The following DAB2 variants were observed in gnomAD, a reference collection of about 807,000 sequenced individuals.
DAB2 encodes the protein disabled homolog 2.
DAB2 carries 28 observed loss-of-function variants against 71.6 expected under a neutral mutation model. That is an observed-to-expected ratio of 0.39 (90% CI 0.29 to 0.54). The LOEUF is 0.54. Ranked by LOEUF, DAB2 falls within the 20% of genes least tolerant of loss-of-function variation. DAB2 has a pLI of 0.68. For synonymous variants in DAB2, 345 were observed against 339.7 expected, an observed-to-expected ratio of 1.02 and a Z score of -0.17; for missense variants, 867 against 928.8, an observed-to-expected ratio of 0.93 and a Z score of 0.86.
intron 1 of DAB2, among the ~76,000 whole-genome samples, chr5:39,420,861 C>A (rs985156561): frequency 4.6e-5 from 7 of 152,174 alleles, no homozygotes; most frequent in South Asian, 2.1e-4. Flanking sequence ...TAGAAGGATG[C>A]GGGAAGGGGA....
At chr5:39,407,494 C>A (rs1490718955) in intron 1 of DAB2, among the ~76,000 whole-genome samples, 1 of 152,222 alleles carries the variant, frequency 6.6e-6, no homozygotes, top group East Asian at 1.9e-4. Flanking sequence ...AGCCACCATG[C>A]CCGGCCCACC....
At chr5:39,398,289 G>A (rs1229056676) in intron 1 of DAB2, among the ~76,000 whole-genome samples, 3 of 152,154 alleles carry the variant, frequency 2.0e-5, no homozygotes, top group Non-Finnish European at 4.4e-5. Context: ...ACCAGGTATC[G>A]AATCTAGCGT....
intron 13 of DAB2, among the ~76,000 whole-genome samples, chr5:39,375,774 T>TATAGGC (rs1453318631): frequency 6.6e-6 from 1 of 152,108 alleles, no homozygotes; most frequent in Admixed American, 6.5e-5. Flanking sequence ...TAGTCCCACC[T>TATAGGC]ACTCAGGAGG....
intron 12 of DAB2, among the ~76,000 whole-genome samples, chr5:39,376,340 T>C (rs1385294203): frequency 6.6e-6 from 1 of 152,196 alleles, no homozygotes; most frequent in Non-Finnish European, 1.5e-5. Flanking sequence ...TTTAAGCTGA[T>C]GGGACATGGA....
At chr5:39,389,030 C>T in intron 7 of DAB2, 67 bp downstream of exon 7, 1 of 1,487,536 alleles carries the variant, frequency 6.7e-7, no homozygotes, top group Non-Finnish European at 9.4e-7. Flanking sequence ...AGTGGTTGGG[C>T]AGGTAGAAAA....
At chr5:39,407,954 C>G (rs1755644157) in intron 1 of DAB2, among the ~76,000 whole-genome samples, 1 of 152,170 alleles carries the variant, frequency 6.6e-6, no homozygotes, top group African/African-American at 2.4e-5. Context: ...TTCCGAAAAC[C>G]AGTGCAAGAA....
At chr5:39,410,329 A>G (rs183051405) in intron 1 of DAB2, among the ~76,000 whole-genome samples, 21 of 152,296 alleles carry the variant, frequency 1.4e-4, no homozygotes, top group Admixed American at 1.2e-3. Context: ...TTTCTTTCCC[A>G]AAGGCAACAT....
chr5:39,410,444 C>A (rs944159734), intron 1 of DAB2, among the ~76,000 whole-genome samples: 1 of 152,090 alleles, frequency 6.6e-6, no homozygotes, highest in African/African-American at 2.4e-5. Flanking sequence ...GATGTTGTTT[C>A]TTATAAACCT....
At position 39,383,199 on chromosome 5, in the gene DAB2, G is replaced by T; in HGVS notation, c.760C>A (p.Pro254Thr). The change falls in exon 10 of 15, where the codon CCA becomes ACA. Residue 254 changes from proline (P) to threonine (T), a missense_variant. Pro to Thr is a conservative substitution (Grantham distance 38, BLOSUM62 -1). Around this residue, in one of 2 missense-constraint regions of DAB2, gnomAD observed 740 missense variants for 734.3 expected, o/e 1.01. Transcript: ENST00000320816. ...GAGGTGATGCCGTTTGTTAAGAATG[G>T]ATTTTCTCTTAAAGAATTCTGATTG... ...DTNQNSLREN[P>T]FLTNGITSCS... 6.2e-7 allele frequency: 1 copy of T among 1,613,894 alleles called. No individual in the cohort carries two copies. Among genetic ancestry groups the T allele is most frequent in the East Asian group, 2.2e-5 (1 of 44,854 alleles).
rs1180561366 is a variant in DAB2 at position 39,377,047 on chromosome 5, T to A, written c.1740A>T (p.Ala580=). Reference sequence around the variant, plus strand: ...GGCTTGTTGTTGACCAAGCATTGGGTGCCACAGATGCAGAAGGGCCCCAGA... The same window carrying A: ...GGCTTGTTGTTGACCAAGCATTGGGAGCCACAGATGCAGAAGGGCCCCAGA... ...PVVWGPSASV[A]PNAWSTTSPL... is the part of the protein sequence containing the mutation. The change falls in exon 12 of 15, where the codon GCA becomes GCT. Residue 580 remains alanine (A), a synonymous_variant. Transcript: ENST00000320816. The A allele has an allele frequency of 6.2e-7, 1 of 1,613,880 alleles. No individual in the cohort carries two copies. Among genetic ancestry groups the A allele is most frequent in the African/African-American group, 1.3e-5 (1 of 74,840 alleles).
intron 2 of DAB2, among the ~76,000 whole-genome samples, chr5:39,393,994 C>T (rs1755296837): frequency 6.6e-6 from 1 of 152,182 alleles, no homozygotes; most frequent in Non-Finnish European, 1.5e-5. Flanking sequence ...GATGCCATGA[C>T]TGTTTCCCAA....
chr5:39,402,131 A>G (rs1755518333), intron 1 of DAB2, among the ~76,000 whole-genome samples: 1 of 152,136 alleles, frequency 6.6e-6, no homozygotes, highest in South Asian at 2.1e-4. Context: ...AGAGAACAGT[A>G]TGGGGGAAAC....
intron 1 of DAB2, among the ~76,000 whole-genome samples, chr5:39,419,694 T>G (rs1214516011): frequency 3.9e-5 from 6 of 152,092 alleles, no homozygotes; most frequent in Non-Finnish European, 7.4e-5. Context: ...TTAAAAGAAG[T>G]AAGTGGGACA....
intron 1 of DAB2, among the ~76,000 whole-genome samples, chr5:39,409,878 G>T (rs1266473101): frequency 6.6e-6 from 1 of 152,162 alleles, no homozygotes; most frequent in Admixed American, 6.6e-5. Context: ...GAATGATAGT[G>T]TTTCGGAGAA....
chr5:39,381,045 T>C (rs1754969267), intron 11 of DAB2, among the ~76,000 whole-genome samples: 1 of 152,158 alleles, frequency 6.6e-6, no homozygotes, highest in South Asian at 2.1e-4. Flanking sequence ...AAGAGGGCTA[T>C]GTGTTGAAAG....
At chr5:39,400,798 C>T (rs1755479402) in intron 1 of DAB2, among the ~76,000 whole-genome samples, 1 of 152,104 alleles carries the variant, frequency 6.6e-6, no homozygotes, top group Non-Finnish European at 1.5e-5. Context: ...ATTAAGGAGA[C>T]TCAAGAAGAA....
intron 9 of DAB2, among the ~76,000 whole-genome samples, chr5:39,385,781 G>A (rs968357234): frequency 6.6e-6 from 1 of 152,140 alleles, no homozygotes; most frequent in South Asian, 2.1e-4. Flanking sequence ...AAAGCCTTAA[G>A]TGGCTTACTG....
At chr5:39,392,248 T>G (rs934862511) in intron 4 of DAB2, 117 bp downstream of exon 4, 5 of 742,950 alleles carry the variant, frequency 6.7e-6, no homozygotes, top group African/African-American at 1.7e-5. Flanking sequence ...ATGTAATATA[T>G]GATATATTTG....
intron 11 of DAB2, among the ~76,000 whole-genome samples, chr5:39,379,416 C>A (rs1480831114): frequency 1.5e-5 from 2 of 131,778 alleles, no homozygotes; most frequent in Admixed American, 9.0e-5. Flanking sequence ...TGCACTCCAG[C>A]CTGGGTGACA....
Sources: gnomAD v4.1 joint callset for allele counts (sites outside exome capture counted in the v4.1 genomes callset) on GRCh38, gnomAD v4.1.1 for gene constraint, gnomAD v4.1.1 regional missense constraint, MANE v1.5 for transcripts, NCBI Gene and HGNC (gene_info 2026-07-23, HGNC 2026-07-21) for gene names.